VPS13D: variants seen among roughly 807,000 people sequenced by gnomAD.
VPS13D encodes vacuolar protein sorting 13 homolog D.
VPS13D carries 187 observed loss-of-function variants against 461.9 expected under a neutral mutation model. The ratio of observed to expected loss-of-function variants is 0.40; its 90% CI spans 0.36 to 0.46. The LOEUF (loss-of-function observed/expected upper bound fraction) is 0.46. Ranked by LOEUF, VPS13D falls within the 20% of genes least tolerant of loss-of-function variation. VPS13D has a pLI of 0.60. For missense variants in VPS13D, 4,711 were observed against 5,364.9 expected (o/e 0.88, Z 3.81); for synonymous variants, 1,951 against 1,986.3 (o/e 0.98, Z 0.47).
Position 12,244,434 on chromosome 1 carries a change from A to C in VPS13D, c.364A>C (p.Lys122Gln), listed in dbSNP as rs1435517776. ...ALLQALEEKW[K>Q]NDRQQKGESY... ...ACTTCAAGCCCTGGAGGAGAAATGG[A>C]AGGCAAGGCAGAGATCTTCTGGGCC... The change falls in exon 4 of 70, where the codon AAG (lysine) becomes CAG (glutamine). Residue 122 changes from lysine to glutamine, a missense_variant and splice_region_variant. Physicochemically the swap from Lys to Gln is moderately conservative, Grantham distance 53 (BLOSUM62 1). Around this residue, in one of 3 missense-constraint regions of VPS13D, gnomAD observed 4,411 missense variants for 4,937.8 expected, o/e 0.89. Transcript: ENST00000620676. The C allele has an allele frequency of 6.2e-7, 1 of 1,614,088 alleles. No homozygotes were observed. The highest frequency in any genetic ancestry group is 2.2e-5 in the East Asian group (1 of 44,888).
intron 67 of VPS13D, among the ~76,000 whole-genome samples, chr1:12,477,958 CAGG>C (rs1190087405): frequency 6.6e-6 from 1 of 152,130 alleles, no homozygotes; most frequent in Non-Finnish European, 1.5e-5. Flanking sequence ...CCAGAAAATC[CAGG>C]AGTTCAAGTG....
chr1:12,247,288 G>A (rs1569663167), intron 5 of VPS13D, among the ~76,000 whole-genome samples: 2 of 151,868 alleles, frequency 1.3e-5, no homozygotes, highest in African/African-American at 2.4e-5. Context: ...TGGCATGTGC[G>A]TGTCGTCCCA....
At chr1:12,359,152 G>T (rs1044520146) in intron 50 of VPS13D, among the ~76,000 whole-genome samples, 3 of 152,160 alleles carry the variant, frequency 2.0e-5, no homozygotes, top group African/African-American at 7.2e-5. Context: ...GATGGGAAGG[G>T]TGGAAAGGGG....
At chr1:12,351,270 G>A (rs1367832813) in intron 46 of VPS13D, among the ~76,000 whole-genome samples, 2 of 152,142 alleles carry the variant, frequency 1.3e-5, no homozygotes, top group African/African-American at 4.8e-5. Context: ...ATGAAGAGGT[G>A]CAAATATCAT....
intron 25 of VPS13D, among the ~76,000 whole-genome samples, chr1:12,300,255 T>C (rs1346433890): frequency 2.1e-5 from 3 of 144,646 alleles, no homozygotes; most frequent in African/African-American, 7.7e-5. Flanking sequence ...TTGCCAAGGC[T>C]GGAGTGCAGT....
chr1:12,324,953 A>C lies in VPS13D; in HGVS notation c.7990+1173A>C, dbSNP rs114444719. On this transcript the variant is annotated intron_variant, in intron 35 of 69. Transcript: ENST00000620676. ...GTCACATCTTAGTCCCCTACGATGG[A>C]CTTAAAGCCAGGTCTACCTGCCTCC... Among the ~76,000 whole-genome samples the C allele has an allele frequency of 5.0e-3, 754 of 152,316 alleles. 5 individuals carry two copies. Among genetic ancestry groups the C allele is most frequent in the African/African-American group, 0.018 (731 of 41,568 alleles).
In VPS13D at chr1:12,268,765, C is replaced by T. The variant is rs1246453407; in HGVS notation, c.1861C>T (p.His621Tyr). ...GTATGAGAGAAATCCGGCGCACAGC[C>T]ACTTTGAGAGGCGGCTCAATGTCAG... ...MLYERNPAHS[H>Y]FERRLNVSTR... The change falls in exon 16 of 70, where the codon CAC (histidine) becomes TAC (tyrosine). Residue 621 changes from histidine (H) to tyrosine (Y), a missense_variant. His to Tyr is a moderately conservative substitution (Grantham distance 83). Transcript: ENST00000620676. 6.2e-7 allele frequency: 1 copy of T among 1,614,076 alleles called. No individual in the cohort carries two copies. Among genetic ancestry groups the T allele is most frequent in the Admixed American group, 1.7e-5 (1 of 60,000 alleles).
chr1:12,392,634 T>C (rs1402026364), intron 60 of VPS13D, among the ~76,000 whole-genome samples: 2 of 151,648 alleles, frequency 1.3e-5, no homozygotes, highest in Non-Finnish European at 2.9e-5. Context: ...CAGATGTTCA[T>C]TTTCCACCAA....
Position 12,369,080 on chromosome 1 carries a change from T to C in VPS13D, c.10573-387T>C, listed in dbSNP as rs527476743. Reference sequence around the variant, plus strand: ...CTGTAGCCAAATTCCAAAATACTTATTTTTTTCTGTATTCAAAATATATCA... The same window carrying C: ...CTGTAGCCAAATTCCAAAATACTTACTTTTTTCTGTATTCAAAATATATCA... On this transcript the variant is annotated intron_variant, in intron 53 of 69. Coordinates refer to ENST00000620676, the MANE Select transcript of VPS13D (RefSeq NM_015378.4). Among the ~76,000 whole-genome samples, 3 of 152,224 alleles carry C rather than the reference T, an allele frequency of 2.0e-5. No individual in the cohort carries two copies. The East Asian group carries it at 5.8e-4, about 29-fold the overall frequency.
rs142033335 is a variant in VPS13D, at chr1:12,258,096, A to G, written c.1103A>G (p.Asp368Gly). ...NKLKGGLLST[D>G]DKEEMCRIEE... ...TTAAAAGGAGGCCTGCTGTCCACAG[A>G]TGACAAGGTAAGTGGACTGTGGTCT... The change falls in exon 10 of 70, where the codon GAT (aspartate) becomes GGT (glycine). Residue 368 changes from aspartate (D) to glycine (G), a missense_variant. Physicochemically the swap from Asp to Gly is moderately conservative, Grantham distance 94 (BLOSUM62 -1). Around this residue, in one of 3 missense-constraint regions of VPS13D, gnomAD observed 4,411 missense variants for 4,937.8 expected, o/e 0.89. Transcript: ENST00000620676. 1 of 1,614,216 alleles carries G rather than the reference A, an allele frequency of 6.2e-7. No individual in the cohort carries two copies. Among genetic ancestry groups the G allele is most frequent in the Non-Finnish European group, 8.5e-7 (1 of 1,180,024 alleles).
In VPS13D at chr1:12,279,709, A is replaced by G; in HGVS notation, c.4602+59A>G. Reference sequence around the variant, plus strand: ...TTTATATTAGTACTCTATAAATATGATATATATTTATGTATATTACATGTT... The same window carrying G: ...TTTATATTAGTACTCTATAAATATGGTATATATTTATGTATATTACATGTT... On this transcript the variant is annotated intron_variant, in intron 20 of 69. Transcript: ENST00000620676. The surrounding 1 kb of genome is among the most constrained non-coding windows in gnomAD (Gnocchi z 4.3). 1 of 1,304,448 alleles carries G rather than the reference A, an allele frequency of 7.7e-7. No individual in the cohort carries two copies. Among genetic ancestry groups the G allele is most frequent in the Non-Finnish European group, 1.0e-6 (1 of 965,374 alleles). 80.8% of individuals were successfully genotyped at this position (1,304,448 alleles called of 1,614,324 possible).
intron 28 of VPS13D, 58 bp downstream of exon 28, chr1:12,311,683 G>A: frequency 6.2e-7 from 1 of 1,600,820 alleles, no homozygotes; most frequent in Admixed American, 1.7e-5. Context: ...CGGTCACCCT[G>A]TGTATCTATT....
intron 49 of VPS13D, among the ~76,000 whole-genome samples, chr1:12,357,166 A>G (rs1569992272): frequency 1.3e-5 from 2 of 152,258 alleles, no homozygotes; most frequent in African/African-American, 4.8e-5. Flanking sequence ...TCAAAGATAA[A>G]TGGGTGTATC....
rs1167414278 is a variant in VPS13D at position 12,507,835 on chromosome 1, G to T, written c.13035+742G>T. ...CCTCTTGCGGATCTGTCTCTGGCCA[G>T]TCGGCCCTGGAGGCTTGCCATGACA... On this transcript the variant is annotated intron_variant, in intron 69 of 69. Transcript: ENST00000620676. The surrounding 1 kb of genome is among the most constrained non-coding windows in gnomAD (Gnocchi z 5.3). Among the ~76,000 whole-genome samples, 2 of 152,244 alleles carry T rather than the reference G, an allele frequency of 1.3e-5. No homozygotes were observed. Among genetic ancestry groups the T allele is most frequent in the African/African-American group, 4.8e-5 (2 of 41,460 alleles).
At chr1:12,332,954 A>C (rs899938339) in intron 37 of VPS13D, among the ~76,000 whole-genome samples, 13 of 152,142 alleles carry the variant, frequency 8.5e-5, no homozygotes, top group Non-Finnish European at 7.4e-5. Flanking sequence ...TTAGTGGAAG[A>C]GGGCACATAC....
intron 65 of VPS13D, among the ~76,000 whole-genome samples, chr1:12,438,377 C>G (rs963588283): frequency 1.3e-5 from 2 of 152,152 alleles, no homozygotes; most frequent in Non-Finnish European, 2.9e-5. Flanking sequence ...GAATCAGACA[C>G]CGAATCTGCT....
chr1:12,270,851 A>G, intron 16 of VPS13D, 143 bp from the exon 17 acceptor site: 1 of 1,087,748 alleles, frequency 9.2e-7, no homozygotes, highest in Non-Finnish European at 1.3e-6. Flanking sequence ...AAGTGCTGGG[A>G]TTACGAGTGT....
chr1:12,376,143 G>A (rs1644195557), intron 55 of VPS13D, among the ~76,000 whole-genome samples: 1 of 152,172 alleles, frequency 6.6e-6, no homozygotes, highest in East Asian at 1.9e-4. Context: ...TGTTGTTTCT[G>A]GTGCTGTGCA....
Position 12,230,059 on chromosome 1 carries a change from A to T in VPS13D, c.-138A>T, listed in dbSNP as rs1476718632. The T allele has an allele frequency of 2.0e-5, 3 of 151,762 alleles. No individual in the cohort carries two copies. Among genetic ancestry groups the T allele is most frequent in the African/African-American group, 7.3e-5 (3 of 41,338 alleles). 9.4% of individuals were successfully genotyped at this position (151,762 alleles called of 1,614,324 possible). On this transcript the variant is annotated 5_prime_UTR_variant, in exon 1 of 70. Coordinates refer to ENST00000620676, the MANE Select transcript of VPS13D (RefSeq NM_015378.4). ...GCGCCGCGGGCCTGCGCCATTGAGG[A>T]GCGGCGGGGAGGAAACGCCGCGCAG... is the stretch of plus-strand genomic sequence containing the variant.
Sources: gnomAD v4.1 joint callset for allele counts (sites outside exome capture counted in the v4.1 genomes callset) on GRCh38, gnomAD v4.1.1 for gene constraint, gnomAD v4.1.1 regional missense constraint, Gnocchi (gnomAD v3.1) non-coding constraint, MANE v1.5 for transcripts, NCBI Gene and HGNC (gene_info 2026-07-23, HGNC 2026-07-21) for gene names.